MIB1: variants seen among roughly 807,000 people sequenced by gnomAD.
MIB1 encodes E3 ubiquitin-protein ligase MIB1.
Under a neutral mutation model 124.5 loss-of-function variants are expected in MIB1, and 278 were observed. The observed-to-expected ratio is 2.23, with a 90% CI of 2.02 to 2.47. The LOEUF is 2.47. Among genes scored for constraint, MIB1 ranks in the 30% most tolerant of loss-of-function variants. The pLI, the probability that MIB1 is intolerant of heterozygous loss-of-function variation, is 0.00. For missense variants in MIB1, 957 were observed against 1,254.4 expected, an observed-to-expected ratio of 0.76 and a Z score of 3.58; for synonymous variants, 446 against 429.4, an observed-to-expected ratio of 1.04 and a Z score of -0.48.
chr18:21,831,710 T>TA (rs1316568371), intron 12 of MIB1, among the ~76,000 whole-genome samples: 1 of 152,096 alleles, frequency 6.6e-6, no homozygotes, highest in African/African-American at 2.4e-5. Context: ...TGTTTCCACT[T>TA]ACATTTCCCA....
chr18:21,807,955 C>T (rs1429107909), intron 10 of MIB1, among the ~76,000 whole-genome samples: 2 of 152,118 alleles, frequency 1.3e-5, no homozygotes, highest in Non-Finnish European at 2.9e-5. Context: ...TACACCTTTC[C>T]TCCCATTCCC....
At chr18:21,821,828 C>T (rs1490766611) in intron 12 of MIB1, among the ~76,000 whole-genome samples, 1 of 152,102 alleles carries the variant, frequency 6.6e-6, no homozygotes, top group African/African-American at 2.4e-5. Context: ...GTCTCGATCT[C>T]CTGACCTCGT....
intron 1 of MIB1, among the ~76,000 whole-genome samples, chr18:21,750,920 G>T (rs1300668452): frequency 6.6e-6 from 1 of 152,060 alleles, no homozygotes; most frequent in African/African-American, 2.4e-5. Flanking sequence ...TGCTCAGCTG[G>T]GCACAGTGGC....
At chr18:21,786,912 T>C (rs1157213460) in intron 6 of MIB1, among the ~76,000 whole-genome samples, 1 of 152,236 alleles carries the variant, frequency 6.6e-6, no homozygotes, top group Non-Finnish European at 1.5e-5. Flanking sequence ...AACTGAGAGC[T>C]TACATATTGC....
At chr18:21,793,212 T>G (rs1358801972) in intron 7 of MIB1, among the ~76,000 whole-genome samples, 2 of 152,144 alleles carry the variant, frequency 1.3e-5, no homozygotes, top group Non-Finnish European at 2.9e-5. Context: ...AGACTCCAGT[T>G]TGGGATGAGA....
At chr18:21,750,623 G>A (rs577400461) in intron 1 of MIB1, among the ~76,000 whole-genome samples, 1 of 151,950 alleles carries the variant, frequency 6.6e-6, no homozygotes, top group Non-Finnish European at 1.5e-5. Flanking sequence ...CACCACGCTC[G>A]GCCTAATTTT....
intron 11 of MIB1, among the ~76,000 whole-genome samples, chr18:21,816,663 T>C (rs1006495119): frequency 6.6e-6 from 1 of 152,224 alleles, no homozygotes; most frequent in Admixed American, 6.5e-5. Context: ...GTAGTTTAGA[T>C]AATTTACAGC....
At chr18:21,731,515 C>G (rs756906467) in intron 1 of MIB1, among the ~76,000 whole-genome samples, 1 of 151,898 alleles carries the variant, frequency 6.6e-6, no homozygotes, top group East Asian at 1.9e-4. Flanking sequence ...GGGTGGATCA[C>G]GAGGTCAGGA....
chr18:21,792,352 A>C (rs964639597), intron 7 of MIB1, among the ~76,000 whole-genome samples: 1 of 151,450 alleles, frequency 6.6e-6, no homozygotes, highest in East Asian at 1.9e-4. Context: ...TTAGTATCCT[A>C]TTACCCCCAC....
rs370769325 is a variant in MIB1 at position 21,842,435 on chromosome 18, GT to G, written c.1963-692del. Among the ~76,000 whole-genome samples, 36 of 152,194 alleles carry G rather than the reference GT, an allele frequency of 2.4e-4. No homozygotes were observed. The Middle Eastern group carries it at 0.01, about 43-fold the overall frequency. On this transcript the variant is annotated intron_variant, in intron 13 of 20. Coordinates refer to ENST00000261537, the MANE Select transcript of MIB1 (RefSeq NM_020774.4). ...TCTTCACATTAGCCCTGTGAAATAG[GT>G]TTTAACTGTCACCATTTTGGAGCTG...
chr18:21,841,244 T>G (rs971546677), intron 13 of MIB1, among the ~76,000 whole-genome samples: 9 of 152,210 alleles, frequency 5.9e-5, no homozygotes, highest in Non-Finnish European at 1.3e-4. Context: ...CACGCACCTG[T>G]AGTCCCCAGC....
At chr18:21,794,778 T>C (rs2146447476) in intron 7 of MIB1, among the ~76,000 whole-genome samples, 1 of 152,314 alleles carries the variant, frequency 6.6e-6, no homozygotes, top group South Asian at 2.1e-4. Flanking sequence ...CTCAGTGTTT[T>C]ATGCCAGAAA....
At chr18:21,734,682 C>T (rs192320583) in intron 1 of MIB1, among the ~76,000 whole-genome samples, 12 of 151,964 alleles carry the variant, frequency 7.9e-5, no homozygotes, top group Non-Finnish European at 1.0e-4. Flanking sequence ...GCGCATGCCA[C>T]CACGCCTGGC....
chr18:21,864,375 T>C (rs1432560901), intron 20 of MIB1, 151 bp from the exon 21 acceptor site: 1 of 593,368 alleles, frequency 1.7e-6, no homozygotes, highest in Non-Finnish European at 2.9e-6. Context: ...GGATGACATT[T>C]TAACTATTTA....
rs1012773617 is a variant in MIB1, at chr18:21,870,654, G to T, written c.*5988G>T. On this transcript the variant is annotated 3_prime_UTR_variant, in exon 21 of 21. Coordinates refer to ENST00000261537, the MANE Select transcript of MIB1 (RefSeq NM_020774.4). ...TAAATCATTAATTGTATGGTTTGGG[G>T]GTTATTTTATTTTCCATGTTAATAT... 3.9e-5 allele frequency: 6 copies of T among 151,928 alleles called. No individual in the cohort carries two copies. Among genetic ancestry groups the T allele is most frequent in the Non-Finnish European group, 7.4e-5 (5 of 67,970 alleles). 9.4% of individuals were successfully genotyped at this position (151,928 alleles called of 1,614,324 possible). A position where few individuals can be genotyped will look rare whatever the true frequency, so the allele number is the denominator to read the frequency against.
At chr18:21,818,674 C>T (rs1351361038) in intron 11 of MIB1, among the ~76,000 whole-genome samples, 3 of 152,074 alleles carry the variant, frequency 2.0e-5, no homozygotes, top group Non-Finnish European at 2.9e-5. Context: ...AGGTGGCTCA[C>T]GCCTGTAATC....
At chr18:21,850,587 G>A (rs1346183284) in intron 17 of MIB1, among the ~76,000 whole-genome samples, 2 of 152,086 alleles carry the variant, frequency 1.3e-5, no homozygotes, top group Admixed American at 6.6e-5. Context: ...TTTGGCACAG[G>A]AAAAAGCACA....
chr18:21,793,184 A>G (rs1353346391), intron 7 of MIB1, among the ~76,000 whole-genome samples: 1 of 152,202 alleles, frequency 6.6e-6, no homozygotes, highest in East Asian at 1.9e-4. Context: ...CAGCACCTGA[A>G]CCTGAGAGAG....
chr18:21,861,100 C>T (rs2042272636), intron 20 of MIB1, among the ~76,000 whole-genome samples: 1 of 152,016 alleles, frequency 6.6e-6, no homozygotes, highest in Non-Finnish European at 1.5e-5. Flanking sequence ...AAACCCCCAT[C>T]TGAAGAGATG....
Sources: gnomAD v4.1 joint callset for allele counts (sites outside exome capture counted in the v4.1 genomes callset) on GRCh38, gnomAD v4.1.1 for gene constraint, MANE v1.5 for transcripts, NCBI Gene and HGNC (gene_info 2026-07-23, HGNC 2026-07-21) for gene names.